ABTB2: variants seen among roughly 807,000 people sequenced by gnomAD.
ABTB2 encodes the protein ankyrin repeat and BTB domain containing 2, also known as ankyrin repeat and BTB/POZ domain-containing protein 2.
Under a neutral mutation model 104.1 loss-of-function variants are expected in ABTB2, and 56 were observed. That is an observed-to-expected ratio of 0.54 (90% CI 0.43 to 0.67). The LOEUF (loss-of-function observed/expected upper bound fraction) is 0.67, where lower values mean the gene tolerates loss of function less well. Ranked by LOEUF, ABTB2 falls within the 30% of genes least tolerant of loss-of-function variation. ABTB2 has a pLI of 0.00. For synonymous variants in ABTB2, 606 were observed against 608.2 expected (o/e 1.00, Z 0.05); for missense variants, 1,279 against 1,407.7 (o/e 0.91, Z 1.46).
At chr11:34,265,474 A>G (rs1854236061) in intron 1 of ABTB2, among the ~76,000 whole-genome samples, 1 of 152,032 alleles carries the variant, frequency 6.6e-6, no homozygotes, top group South Asian at 2.1e-4. Flanking sequence ...CAGTCTGATC[A>G]ACATGGAGAA....
chr11:34,235,685 T>C (rs1853832440), intron 1 of ABTB2, among the ~76,000 whole-genome samples: 1 of 152,188 alleles, frequency 6.6e-6, no homozygotes, highest in Non-Finnish European at 1.5e-5. Context: ...CTTCTGGCTT[T>C]TAAGCCACAA....
At chr11:34,224,664 A>C (rs1306408790) in intron 1 of ABTB2, among the ~76,000 whole-genome samples, 1 of 152,198 alleles carries the variant, frequency 6.6e-6, no homozygotes, top group African/African-American at 2.4e-5. Flanking sequence ...GCTCGTCTGC[A>C]CAGTGGAAAT....
chr11:34,315,245 G>A (rs907068522), intron 1 of ABTB2, among the ~76,000 whole-genome samples: 1 of 152,218 alleles, frequency 6.6e-6, no homozygotes, highest in South Asian at 2.1e-4. Flanking sequence ...TTACCACAGA[G>A]CAAGTCTCCT....
At position 34,356,668 on chromosome 11, in the gene ABTB2, C is replaced by A. The variant is rs768761941; in HGVS notation, c.883+33G>T. The A allele has an allele frequency of 2.0e-6, 3 of 1,527,268 alleles. No homozygotes were observed. The Admixed American group carries it at 5.8e-5, about 29-fold the overall frequency. 94.6% of individuals were successfully genotyped at this position (1,527,268 alleles called of 1,614,324 possible). On this transcript the variant is annotated intron_variant, in intron 1 of 16. Transcript: ENST00000435224. This position sits in a 1 kb window ranked among gnomAD's most constrained non-coding sequence, Gnocchi z 4.6. ...AGCCCAGGGCGGGATTTCTTGCCTA[C>A]CCAGTCTGCCAGTCCGAGGCCCGCG...
chr11:34,353,165 A>C (rs1370839431), intron 1 of ABTB2, among the ~76,000 whole-genome samples: 1 of 152,228 alleles, frequency 6.6e-6, no homozygotes, highest in Admixed American at 6.5e-5. Context: ...AGGATAGAGC[A>C]ATCCTTTTGT....
intron 1 of ABTB2, among the ~76,000 whole-genome samples, chr11:34,227,553 A>G (rs950138570): frequency 1.3e-5 from 2 of 152,238 alleles, no homozygotes; most frequent in East Asian, 1.9e-4. Flanking sequence ...TTGCATGGAT[A>G]TACCACATTT....
chr11:34,335,723 G>C, intron 1 of ABTB2: 1 of 1,394,676 alleles, frequency 7.2e-7, no homozygotes, highest in Admixed American at 1.7e-5. Flanking sequence ...GTTTTATAAA[G>C]CAGGCTTTTC....
intron 1 of ABTB2, among the ~76,000 whole-genome samples, chr11:34,229,950 A>G (rs943795159): frequency 6.6e-6 from 1 of 152,164 alleles, no homozygotes; most frequent in African/African-American, 2.4e-5. Flanking sequence ...CAGTTTTGCC[A>G]GCCACTTTCC....
At chr11:34,353,716 T>A (rs558870815) in intron 1 of ABTB2, among the ~76,000 whole-genome samples, 1 of 152,346 alleles carries the variant, frequency 6.6e-6, no homozygotes, top group Admixed American at 6.5e-5. Context: ...AAATTCTTGG[T>A]TGGAAGACAT....
At chr11:34,189,776 G>A (rs1853148631) in intron 3 of ABTB2, among the ~76,000 whole-genome samples, 1 of 152,158 alleles carries the variant, frequency 6.6e-6, no homozygotes, top group Non-Finnish European at 1.5e-5. Flanking sequence ...TCCCAGGTCT[G>A]CTCCGACATG....
chr11:34,185,291 A>G (rs964331231), intron 3 of ABTB2, among the ~76,000 whole-genome samples: 6 of 152,136 alleles, frequency 3.9e-5, no homozygotes, highest in Non-Finnish European at 4.4e-5. Context: ...TGTTGATGGG[A>G]TGGGGGTCAT....
chr11:34,315,547 G>A (rs759279023), intron 1 of ABTB2, among the ~76,000 whole-genome samples: 3 of 152,122 alleles, frequency 2.0e-5, no homozygotes, highest in Non-Finnish European at 4.4e-5. Context: ...TTGATTCCAG[G>A]GATGTGTTCT....
At chr11:34,273,478 A>G (rs763156549) in intron 1 of ABTB2, among the ~76,000 whole-genome samples, 11 of 152,136 alleles carry the variant, frequency 7.2e-5, no homozygotes, top group Non-Finnish European at 1.6e-4. Flanking sequence ...TCACTTCTCC[A>G]CTGGACGAAG....
rs558494464 is a variant in ABTB2 at position 34,259,090 on chromosome 11, A to C, written c.884-54400T>G. Among the ~76,000 whole-genome samples the C allele has an allele frequency of 4.1e-4, 63 of 152,268 alleles. 1 individual carries two copies. Among genetic ancestry groups the C allele is most frequent in the Admixed American group, 1.8e-3 (27 of 15,302 alleles). On this transcript the variant is annotated intron_variant, in intron 1 of 16. Transcript: ENST00000435224. ...TCAATGTATGTTTGCTGCTATTGTT[A>C]ATTCTTGCTGTTGTTACTGTTACTG...
intron 1 of ABTB2, among the ~76,000 whole-genome samples, chr11:34,341,562 C>T (rs183431298): frequency 5.6e-4 from 86 of 152,218 alleles, no homozygotes; most frequent in Admixed American, 1.5e-3. Flanking sequence ...CCACATATGA[C>T]GAGGGAGCAC....
At position 34,248,114 on chromosome 11, in the gene ABTB2, A is replaced by ATTTTTTTTTTTTT. The variant is rs1363625721; in HGVS notation, c.884-43425_884-43424insAAAAAAAAAAAAA. On this transcript the variant is annotated intron_variant, in intron 1 of 16. Coordinates refer to ENST00000435224, the MANE Select transcript of ABTB2 (RefSeq NM_145804.3). ...TTTTTCTTAAAAAAAAAAAAAAAAA[A>ATTTTTTTTTTTTT]AAAAAAAACAGGGTCTTGCCCTGTC... 3.9e-3 allele frequency among the ~76,000 whole-genome samples: 494 copies of ATTTTTTTTTTTTT among 126,342 alleles called. 33 individuals are homozygous for ATTTTTTTTTTTTT. The highest frequency in any genetic ancestry group is 0.014 in the African/African-American group (436 of 32,106). 82.9% of individuals were successfully genotyped at this position (126,342 alleles called of 152,430 possible).
chr11:34,174,586 C>T (rs181665672), intron 3 of ABTB2, among the ~76,000 whole-genome samples: 59 of 152,364 alleles, frequency 3.9e-4, no homozygotes, highest in African/African-American at 1.3e-3. Flanking sequence ...GCGAGCGGCT[C>T]AGATTCAGCT....
At chr11:34,227,077 C>A (rs553528985) in intron 1 of ABTB2, among the ~76,000 whole-genome samples, 1 of 151,950 alleles carries the variant, frequency 6.6e-6, no homozygotes, top group Non-Finnish European at 1.5e-5. Flanking sequence ...AGTTCAAGAT[C>A]AGCCTGGCCA....
chr11:34,258,615 T>TG (rs1565153051), intron 1 of ABTB2, among the ~76,000 whole-genome samples: 10,266 of 146,772 alleles, frequency 0.07, 949 homozygotes, highest in African/African-American at 0.21. Flanking sequence ...CTTTTTTTTT[T>TG]TTTTTTTTTT....
Sources: gnomAD v4.1 joint callset for allele counts (sites outside exome capture counted in the v4.1 genomes callset) on GRCh38, gnomAD v4.1.1 for gene constraint, Gnocchi (gnomAD v3.1) non-coding constraint, MANE v1.5 for transcripts, NCBI Gene and HGNC (gene_info 2026-07-23, HGNC 2026-07-21) for gene names.